Variants in SYT16 observed in about 807,000 individuals in gnomAD.
SYT16 encodes synaptotagmin 16.
A neutral mutation model predicts 61.4 loss-of-function variants in SYT16; 42 were observed. That is an observed-to-expected ratio of 0.68 (90% CI 0.53 to 0.89). The LOEUF is 0.89. SYT16 is among the 40% of genes least tolerant of loss of function. The pLI is 0.00. For synonymous variants in SYT16, 314 were observed against 302.3 expected, an observed-to-expected ratio of 1.04 and a Z score of -0.40; for missense variants, 804 against 807.3, an observed-to-expected ratio of 1.00 and a Z score of 0.05.
chr14:61,953,457 C>G (rs1185110978), intron 1 of SYT16, among the ~76,000 whole-genome samples: 1 of 152,076 alleles, frequency 6.6e-6, no homozygotes, highest in Non-Finnish European at 1.5e-5. Context: ...GGAGACCTCT[C>G]TCTTGTACTC....
chr14:62,039,028 G>GT (rs1566786658), intron 3 of SYT16, among the ~76,000 whole-genome samples: 1 of 152,214 alleles, frequency 6.6e-6, no homozygotes, highest in East Asian at 1.9e-4. Flanking sequence ...GAGAAGTAAA[G>GT]TGACAAATGG....
At chr14:61,856,363 C>A (rs923123669) in intron 1 of SYT16, among the ~76,000 whole-genome samples, 2 of 152,100 alleles carry the variant, frequency 1.3e-5, no homozygotes, top group Admixed American at 1.3e-4. Flanking sequence ...TGAGAATAGT[C>A]AGATTTTGGA....
In SYT16 at chr14:62,112,226, A is replaced by G. The variant is rs2057621415; in HGVS notation, c.*11519A>G. On this transcript the variant is annotated 3_prime_UTR_variant, in exon 8 of 8. Transcript: ENST00000683842. ...GAAAATGTAAAACTTTACCTGTGACAAGGAATAAATTCATGATTAGAAGAA... is the reference window on the plus strand; with the variant it reads ...GAAAATGTAAAACTTTACCTGTGACGAGGAATAAATTCATGATTAGAAGAA... 3 of 152,144 alleles carry G rather than the reference A, an allele frequency of 2.0e-5. No homozygotes were observed. Among genetic ancestry groups the G allele is most frequent in the Admixed American group, 1.3e-4 (2 of 15,282 alleles). The allele number at this position is 152,144 out of a possible 1,614,324, so 9.4% of individuals were successfully genotyped here.
In SYT16 at chr14:61,918,778, T is replaced by G. The variant is rs915722874; in HGVS notation, c.-324-51354T>G. Among the ~76,000 whole-genome samples, 9 of 152,128 alleles carry G rather than the reference T, an allele frequency of 5.9e-5. No homozygotes were observed. The East Asian group carries it at 1.7e-3, about 29-fold the overall frequency. ...TTTACCTTCTTTTTCTTGTTTGTGTTCTGATTTTTCTACAATGAATATGAA... is the reference window on the plus strand; with the variant it reads ...TTTACCTTCTTTTTCTTGTTTGTGTGCTGATTTTTCTACAATGAATATGAA... On this transcript the variant is annotated intron_variant, in intron 1 of 7. Transcript: ENST00000683842.
chr14:62,095,406 A>G (rs943400447), intron 7 of SYT16, among the ~76,000 whole-genome samples: 1 of 152,030 alleles, frequency 6.6e-6, no homozygotes, highest in African/African-American at 2.4e-5. Context: ...ATGAAAATCT[A>G]TAAAGTAATA....
chr14:62,015,114 C>T (rs1044217461), intron 3 of SYT16, among the ~76,000 whole-genome samples: 1 of 152,188 alleles, frequency 6.6e-6, no homozygotes, highest in Admixed American at 6.5e-5. Flanking sequence ...TTAGCTGCTT[C>T]CTCTTCTATG....
chr14:61,958,971 G>A (rs541252128), intron 1 of SYT16, among the ~76,000 whole-genome samples: 2 of 152,200 alleles, frequency 1.3e-5, no homozygotes, highest in Admixed American at 6.5e-5. Flanking sequence ...ATAGATCCCT[G>A]TAGAATTGAC....
intron 4 of SYT16, 144 bp from the exon 5 acceptor site, chr14:62,074,991 G>C: frequency 1.2e-6 from 1 of 866,522 alleles, no homozygotes; most frequent in Non-Finnish European, 1.7e-6. Context: ...TCACTGTATG[G>C]ATAGAATTAT....
intron 7 of SYT16, among the ~76,000 whole-genome samples, chr14:62,086,484 AAAC>A (rs1347404459): frequency 1.3e-5 from 2 of 152,026 alleles, no homozygotes; most frequent in Non-Finnish European, 2.9e-5. Flanking sequence ...TGTCTCAAAA[AAAC>A]AAACAACAAC....
At chr14:62,041,002 G>A (rs564191293) in intron 3 of SYT16, among the ~76,000 whole-genome samples, 4 of 152,136 alleles carry the variant, frequency 2.6e-5, no homozygotes, top group Non-Finnish European at 4.4e-5. Flanking sequence ...ACAATAGGCC[G>A]TCTGCAAGCT....
At chr14:61,977,625 G>A (rs960677578) in intron 2 of SYT16, among the ~76,000 whole-genome samples, 2 of 152,096 alleles carry the variant, frequency 1.3e-5, no homozygotes, top group Non-Finnish European at 2.9e-5. Flanking sequence ...GACACATGGG[G>A]ATTACAGGGA....
intron 1 of SYT16, among the ~76,000 whole-genome samples, chr14:61,851,109 G>A (rs1428618551): frequency 6.6e-6 from 1 of 151,774 alleles, no homozygotes; most frequent in Non-Finnish European, 1.5e-5. Context: ...CTCCCCATGT[G>A]TCCATATGTT....
chr14:62,090,435 G>A (rs915074620), intron 7 of SYT16, among the ~76,000 whole-genome samples: 5 of 152,188 alleles, frequency 3.3e-5, no homozygotes, highest in African/African-American at 1.2e-4. Flanking sequence ...TGAAGAACAA[G>A]TGGGATTCAG....
intron 3 of SYT16, among the ~76,000 whole-genome samples, chr14:62,044,165 A>G (rs1261683398): frequency 1.3e-5 from 2 of 151,344 alleles, no homozygotes; most frequent in South Asian, 2.1e-4. Flanking sequence ...GTACCACTGC[A>G]CTCCAGCCTG....
At chr14:61,949,741 A>G (rs2050594690) in intron 1 of SYT16, among the ~76,000 whole-genome samples, 1 of 152,188 alleles carries the variant, frequency 6.6e-6, no homozygotes, top group Admixed American at 6.5e-5. Flanking sequence ...TCACAACTTT[A>G]CAGCATTTGA....
intron 1 of SYT16, among the ~76,000 whole-genome samples, chr14:61,877,472 C>T (rs1360604606): frequency 6.6e-6 from 1 of 152,182 alleles, no homozygotes; most frequent in Admixed American, 6.5e-5. Flanking sequence ...AAAACACACA[C>T]CTGAGACTTA....
At position 62,022,478 on chromosome 14, in the gene SYT16, T is replaced by G. The variant is rs570301357; in HGVS notation, c.523+25936T>G. ...TTTGTTTTCTTAAGCAGTTTTACCA[T>G]GATGTATTTAGGTGTGATCTGCTTT... is the stretch of plus-strand genomic sequence containing the variant. On this transcript the variant is annotated intron_variant, in intron 3 of 7. Transcript: ENST00000683842. Among the ~76,000 whole-genome samples, 24 of 152,284 alleles carry G rather than the reference T, an allele frequency of 1.6e-4. 1 individual carries two copies. In the South Asian group the frequency reaches 4.6e-3, roughly 29 times the overall value.
intron 7 of SYT16, among the ~76,000 whole-genome samples, chr14:62,098,629 A>G (rs776283931): frequency 6.6e-6 from 1 of 152,258 alleles, no homozygotes; most frequent in Non-Finnish European, 1.5e-5. Context: ...CTTCCTGACT[A>G]GACATGAACA....
At chr14:61,966,749 A>G (rs2051330443) in intron 1 of SYT16, among the ~76,000 whole-genome samples, 1 of 152,220 alleles carries the variant, frequency 6.6e-6, no homozygotes, top group Non-Finnish European at 1.5e-5. Flanking sequence ...CTGCTTATAC[A>G]TGAATCCTCT....
Sources: allele counts gnomAD v4.1 joint callset (sites outside exome capture counted in the v4.1 genomes callset), GRCh38; gene constraint gnomAD v4.1.1; transcripts MANE v1.5; gene names NCBI Gene and HGNC (gene_info 2026-07-23, HGNC 2026-07-21).